SNTG1: variants seen among roughly 807,000 people sequenced by gnomAD.
SNTG1 encodes the protein gamma-1-syntrophin.
In SNTG1, 39 loss-of-function variants were observed where a neutral mutation model predicts 74.7. That is an observed-to-expected ratio of 0.52 (90% CI 0.40 to 0.68). The LOEUF is 0.68. Among genes scored for constraint, SNTG1 ranks in the 30% least tolerant of loss-of-function variants. SNTG1 has a pLI of 0.00. For synonymous variants in SNTG1, 254 were observed against 217.1 expected, an observed-to-expected ratio of 1.17 and a Z score of -1.49; for missense variants, 685 against 609.5, an observed-to-expected ratio of 1.12 and a Z score of -1.30.
At chr8:50,731,000 T>C (rs1347252438) in intron 17 of SNTG1, among the ~76,000 whole-genome samples, 1 of 152,182 alleles carries the variant, frequency 6.6e-6, no homozygotes, top group Non-Finnish European at 1.5e-5. Flanking sequence ...TTACTTCTAA[T>C]TTACAGTAAA....
At chr8:50,218,112 A>G (rs2084884118) in intron 2 of SNTG1, among the ~76,000 whole-genome samples, 1 of 152,214 alleles carries the variant, frequency 6.6e-6, no homozygotes, top group South Asian at 2.1e-4. Context: ...AGGCTTTTTC[A>G]TAATAGTTAA....
intron 17 of SNTG1, among the ~76,000 whole-genome samples, chr8:50,729,690 T>C (rs1257315492): frequency 6.6e-6 from 1 of 152,112 alleles, no homozygotes; most frequent in East Asian, 1.9e-4. Flanking sequence ...GTTTGTGAGT[T>C]GGTACACTCA....
At chr8:49,962,062 A>G (rs1810735922) in intron 1 of SNTG1, among the ~76,000 whole-genome samples, 1 of 152,146 alleles carries the variant, frequency 6.6e-6, no homozygotes, top group Admixed American at 6.5e-5. Flanking sequence ...GGCTCAGATT[A>G]GTAGGTTGCC....
chr8:50,187,493 T>C (rs868657129), intron 2 of SNTG1, among the ~76,000 whole-genome samples: 2 of 152,192 alleles, frequency 1.3e-5, no homozygotes, highest in Admixed American at 6.5e-5. Flanking sequence ...GAAAATGTTA[T>C]ACTTACATTT....
chr8:50,768,518 G>A (rs753842376), intron 18 of SNTG1, among the ~76,000 whole-genome samples: 1 of 151,924 alleles, frequency 6.6e-6, no homozygotes, highest in Non-Finnish European at 1.5e-5. Flanking sequence ...TTATAAATAA[G>A]GTCTTTTAAT....
At chr8:50,264,919 A>G (rs1283405718) in intron 2 of SNTG1, among the ~76,000 whole-genome samples, 2 of 152,062 alleles carry the variant, frequency 1.3e-5, no homozygotes, top group African/African-American at 4.8e-5. Context: ...AAAATATACC[A>G]AAGTAACTCA....
chr8:50,215,370 G>C (rs1000024887), intron 2 of SNTG1, among the ~76,000 whole-genome samples: 1 of 148,090 alleles, frequency 6.8e-6, no homozygotes, highest in Non-Finnish European at 1.5e-5. Context: ...ATAGAGAAAT[G>C]TGTATATAAA....
chr8:50,492,727 C>A (rs2093868688), intron 8 of SNTG1, among the ~76,000 whole-genome samples: 1 of 152,232 alleles, frequency 6.6e-6, no homozygotes, highest in East Asian at 1.9e-4. Flanking sequence ...TGCAGAAGCT[C>A]TTTAGTTTAA....
intron 1 of SNTG1, among the ~76,000 whole-genome samples, chr8:49,957,588 G>T (rs1810292250): frequency 6.6e-6 from 1 of 152,172 alleles, no homozygotes; most frequent in Admixed American, 6.5e-5. Context: ...ACATGTTCCA[G>T]AATGCAGAGA....
At chr8:50,245,987 A>G (rs1195993570) in intron 2 of SNTG1, among the ~76,000 whole-genome samples, 1 of 151,922 alleles carries the variant, frequency 6.6e-6, no homozygotes, top group Non-Finnish European at 1.5e-5. Context: ...TTCAAAAGCC[A>G]TGGTCAATAT....
intron 17 of SNTG1, among the ~76,000 whole-genome samples, chr8:50,732,935 A>AT (rs940129543): frequency 1.3e-5 from 2 of 151,600 alleles, no homozygotes; most frequent in South Asian, 4.2e-4. Flanking sequence ...TATTTTGTGT[A>AT]TTTTTTTCAA....
chr8:50,403,456 T>C (rs972308136), intron 4 of SNTG1, among the ~76,000 whole-genome samples: 1 of 152,326 alleles, frequency 6.6e-6, no homozygotes, highest in Admixed American at 6.5e-5. Flanking sequence ...CATGGGGTTG[T>C]CCTTTCTTCC....
intron 1 of SNTG1, among the ~76,000 whole-genome samples, chr8:50,009,802 A>G (rs1034065620): frequency 6.6e-5 from 10 of 152,174 alleles, no homozygotes; most frequent in Admixed American, 2.6e-4. Context: ...GTTTGAGACC[A>G]GCCTGGGAAA....
intron 1 of SNTG1, among the ~76,000 whole-genome samples, chr8:50,162,645 G>C (rs1480632816): frequency 6.6e-6 from 1 of 151,856 alleles, no homozygotes; most frequent in Non-Finnish European, 1.5e-5. Flanking sequence ...CCCTTCGTTA[G>C]CCCGCTGGAT....
chr8:50,400,906 A>T (rs1337958877), intron 3 of SNTG1, among the ~76,000 whole-genome samples: 3 of 152,166 alleles, frequency 2.0e-5, no homozygotes, highest in Non-Finnish European at 4.4e-5. Flanking sequence ...ATCACAGCTA[A>T]CAGTAATGCA....
chr8:50,641,302 T>C (rs1313166199), intron 13 of SNTG1, among the ~76,000 whole-genome samples: 1 of 152,214 alleles, frequency 6.6e-6, no homozygotes, highest in South Asian at 2.1e-4. Context: ...TCTCAAAAGA[T>C]AATTCTGCTT....
intron 2 of SNTG1, among the ~76,000 whole-genome samples, chr8:50,200,161 C>T (rs1197207854): frequency 6.6e-6 from 1 of 152,164 alleles, no homozygotes; most frequent in Non-Finnish European, 1.5e-5. Flanking sequence ...TAATGACTCA[C>T]TGAGTCCTCA....
At chr8:50,494,359 C>CT (rs1459756777) in intron 8 of SNTG1, among the ~76,000 whole-genome samples, 1 of 151,694 alleles carries the variant, frequency 6.6e-6, no homozygotes, top group Non-Finnish European at 1.5e-5. Context: ...TAATAATTGT[C>CT]TCGTTTATTT....
chr8:49,936,111 T>C (rs1808058874), intron 1 of SNTG1, among the ~76,000 whole-genome samples: 1 of 152,186 alleles, frequency 6.6e-6, no homozygotes, highest in African/African-American at 2.4e-5. Context: ...CAGCAATTGT[T>C]GAGTTTCCAA....
Sources: gnomAD v4.1 joint callset for allele counts (sites outside exome capture counted in the v4.1 genomes callset) on GRCh38, gnomAD v4.1.1 for gene constraint, MANE v1.5 for transcripts, NCBI Gene and HGNC (gene_info 2026-07-23, HGNC 2026-07-21) for gene names.